JAZF1: variants seen among roughly 807,000 people sequenced by gnomAD.
JAZF1 encodes JAZF zinc finger 1, also known as juxtaposed with another zinc finger protein 1.
Under a neutral mutation model 26.4 loss-of-function variants are expected in JAZF1, and 8 were observed. The observed-to-expected ratio is 0.30, with a 90% CI of 0.18 to 0.55. JAZF1 has a LOEUF of 0.55. Among genes scored for constraint, JAZF1 ranks in the 20% least tolerant of loss-of-function variants. The probability of loss-of-function intolerance (pLI) is 0.94; values close to 1 mark genes in which losing one functional copy is unlikely to be tolerated. For synonymous variants in JAZF1, 126 were observed against 122.3 expected (o/e 1.03, Z -0.20); for missense variants, 199 against 322.0 (o/e 0.62, Z 2.92).
At chr7:28,125,317 T>C (rs1782677765) in intron 1 of JAZF1, among the ~76,000 whole-genome samples, 1 of 152,152 alleles carries the variant, frequency 6.6e-6, no homozygotes, top group African/African-American at 2.4e-5. Flanking sequence ...TGACTAACAA[T>C]TGTAATCACA....
At position 27,935,425 on chromosome 7, in the gene JAZF1, G is replaced by A. The variant is rs565098207; in HGVS notation, c.189-40009C>T. On this transcript the variant is annotated intron_variant, in intron 2 of 4. Coordinates refer to ENST00000283928, the MANE Select transcript of JAZF1 (RefSeq NM_175061.4). ...AACATGGATGAACCCTGAAAATGTC[G>A]TGCTAAATGAAAGCAGCCAGACACT... 5.9e-4 allele frequency among the ~76,000 whole-genome samples: 90 copies of A among 152,250 alleles called. 1 individual carries two copies. The highest frequency in any genetic ancestry group is 2.0e-3 in the African/African-American group (81 of 41,532).
chr7:27,923,134 T>C (rs1784559521), intron 2 of JAZF1, among the ~76,000 whole-genome samples: 2 of 152,130 alleles, frequency 1.3e-5, no homozygotes, highest in Non-Finnish European at 2.9e-5. Flanking sequence ...GACCATGCCT[T>C]CTGTGGTTGT....
At chr7:27,855,819 T>C (rs1161539923) in intron 3 of JAZF1, among the ~76,000 whole-genome samples, 1 of 152,152 alleles carries the variant, frequency 6.6e-6, no homozygotes, top group Non-Finnish European at 1.5e-5. Flanking sequence ...TCTGAAATGA[T>C]TCCAAACAAT....
In JAZF1 at chr7:27,832,725, C is replaced by A; in HGVS notation, c.*75G>T. 3.3e-6 allele frequency: 4 copies of A among 1,211,214 alleles called. No homozygotes were observed. The highest frequency in any genetic ancestry group is 4.5e-6 in the Non-Finnish European group (4 of 890,332). 75.0% of individuals were successfully genotyped at this position (1,211,214 alleles called of 1,614,324 possible). On this transcript the variant is annotated 3_prime_UTR_variant, in exon 5 of 5. Transcript: ENST00000283928. ...TCTTTAAAGGGTTGCTGAATGCTTC[C>A]CCTGAAAAAAGGTGGCTGTTTTCAA...
At chr7:27,871,313 G>C in intron 3 of JAZF1, among the ~76,000 whole-genome samples, 1 of 152,284 alleles carries the variant, frequency 6.6e-6, no homozygotes, top group East Asian at 1.9e-4. Flanking sequence ...CATCTGTAAG[G>C]AGATGATCAC....
At chr7:27,833,885 G>GT (rs944218971) in intron 4 of JAZF1, among the ~76,000 whole-genome samples, 2 of 152,188 alleles carry the variant, frequency 1.3e-5, no homozygotes, top group African/African-American at 2.4e-5. Context: ...CTTGAGGGTA[G>GT]TAAGTAACTG....
Position 28,085,796 on chromosome 7 carries a change from CA to C in JAZF1, c.116-93816del, listed in dbSNP as rs752507840. On this transcript the variant is annotated intron_variant, in intron 1 of 4. Coordinates refer to ENST00000283928, the MANE Select transcript of JAZF1 (RefSeq NM_175061.4). The stretch of plus-strand genomic sequence containing the variant: ...ATCCCATTTCTTATATCATTGATAC[CA>C]AGAAGAAAATTTGCAGGCAGCTTCA... Among the ~76,000 whole-genome samples the C allele has an allele frequency of 6.2e-4, 94 of 152,128 alleles. 1 individual carries two copies. Among genetic ancestry groups the C allele is most frequent in the Non-Finnish European group, 1.2e-3 (81 of 68,020 alleles).
At chr7:27,854,563 G>A (rs1783210085) in intron 3 of JAZF1, among the ~76,000 whole-genome samples, 3 of 152,286 alleles carry the variant, frequency 2.0e-5, no homozygotes, top group Admixed American at 2.0e-4. Flanking sequence ...AGGCAGGCCT[G>A]GTGGTGACAA....
At chr7:28,164,302 T>G (rs1783333314) in intron 1 of JAZF1, among the ~76,000 whole-genome samples, 1 of 152,234 alleles carries the variant, frequency 6.6e-6, no homozygotes, top group Non-Finnish European at 1.5e-5. Flanking sequence ...GCTTCATTAT[T>G]GTAGCAGCAG....
intron 2 of JAZF1, among the ~76,000 whole-genome samples, chr7:27,964,367 C>T (rs543773414): frequency 6.6e-6 from 1 of 152,140 alleles, no homozygotes; most frequent in African/African-American, 2.4e-5. Flanking sequence ...GGGCATGTTT[C>T]GGTGAACTCT....
chr7:27,862,468 C>T (rs1374458066), intron 3 of JAZF1, among the ~76,000 whole-genome samples: 2 of 151,826 alleles, frequency 1.3e-5, no homozygotes, highest in Non-Finnish European at 1.5e-5. Flanking sequence ...ATACAATCCA[C>T]TTATTTCAAG....
intron 1 of JAZF1, among the ~76,000 whole-genome samples, chr7:28,157,056 T>C (rs1256325548): frequency 6.6e-6 from 1 of 152,268 alleles, no homozygotes; most frequent in Non-Finnish European, 1.5e-5. Context: ...CATACATACA[T>C]GTGCATGCAC....
intron 2 of JAZF1, among the ~76,000 whole-genome samples, chr7:27,958,835 T>A (rs1395777883): frequency 3.9e-5 from 6 of 152,094 alleles, no homozygotes; most frequent in Non-Finnish European, 7.4e-5. Flanking sequence ...GAAAGAAGAA[T>A]GGATGACAAT....
chr7:28,012,299 T>C (rs1472899379), intron 1 of JAZF1, among the ~76,000 whole-genome samples: 1 of 152,246 alleles, frequency 6.6e-6, no homozygotes, highest in Non-Finnish European at 1.5e-5. Flanking sequence ...CGCTTCTATT[T>C]CTGGCTTACA....
chr7:27,962,455 T>A (rs1785201688), intron 2 of JAZF1, among the ~76,000 whole-genome samples: 1 of 152,144 alleles, frequency 6.6e-6, no homozygotes, highest in African/African-American at 2.4e-5. Flanking sequence ...TCTTCCCCAA[T>A]CCACAGAGAG....
At chr7:28,033,267 G>A (rs1370702114) in intron 1 of JAZF1, among the ~76,000 whole-genome samples, 1 of 152,168 alleles carries the variant, frequency 6.6e-6, no homozygotes. Flanking sequence ...ACATTTCCAA[G>A]GAGTTAAAGA....
chr7:27,925,015 A>T (rs377652274), intron 2 of JAZF1, among the ~76,000 whole-genome samples: 2 of 152,322 alleles, frequency 1.3e-5, no homozygotes, highest in African/African-American at 4.8e-5. Flanking sequence ...TAATGCTGCC[A>T]TCTTAGGAGG....
At chr7:28,131,922 T>C (rs1165867748) in intron 1 of JAZF1, among the ~76,000 whole-genome samples, 1 of 152,158 alleles carries the variant, frequency 6.6e-6, no homozygotes, top group Admixed American at 6.5e-5. Flanking sequence ...AACGCACAAA[T>C]CTTCAAATTT....
rs779432507 is a variant in JAZF1, at chr7:27,840,820, C to T, written c.433G>A (p.Asp145Asn). The change falls in exon 4 of 5, where the codon GAT becomes AAT. Residue 145 changes from aspartate (D) to asparagine (N), a missense_variant. Asp to Asn is a conservative substitution (Grantham distance 23). This residue lies in a region of JAZF1 where 62 missense variants were observed against 137.2 expected (regional missense o/e 0.45). Coordinates refer to ENST00000283928, the MANE Select transcript of JAZF1 (RefSeq NM_175061.4). The surrounding 1 kb of genome is among the most constrained non-coding windows in gnomAD (Gnocchi z 5.1). ...EEVDYEESDSDESWTTESAIS... is the reference protein window; with the variant it reads ...EEVDYEESDSNESWTTESAIS... The stretch of plus-strand genomic sequence containing the variant: ...GCACTCTCTGTGGTCCAGGACTCAT[C>T]GCTGTCCGACTCCTCATAGTCCACC... 10 of 1,614,182 alleles carry T rather than the reference C, an allele frequency of 6.2e-6. No homozygotes were observed. Among genetic ancestry groups the T allele is most frequent in the Admixed American group, 1.7e-5 (1 of 60,018 alleles).
Sources: gnomAD v4.1 joint callset for allele counts (sites outside exome capture counted in the v4.1 genomes callset) on GRCh38, gnomAD v4.1.1 for gene constraint, gnomAD v4.1.1 regional missense constraint, Gnocchi (gnomAD v3.1) non-coding constraint, MANE v1.5 for transcripts, NCBI Gene and HGNC (gene_info 2026-07-23, HGNC 2026-07-21) for gene names.